Variants in UTRN observed in about 807,000 individuals in gnomAD.
UTRN encodes the protein dystrophin-related protein 1.
In UTRN, 283 loss-of-function variants were observed where a neutral mutation model predicts 463.9. The ratio of observed to expected loss-of-function variants is 0.61; its 90% confidence interval spans 0.55 to 0.67. UTRN has a LOEUF of 0.67. Among genes scored for constraint, UTRN ranks in the 30% least tolerant of loss-of-function variants. UTRN has a pLI of 0.00. For missense variants in UTRN, 3,922 were observed against 4,084.3 expected, an observed-to-expected ratio of 0.96 and a Z score of 1.08; for synonymous variants, 1,442 against 1,431.5, an observed-to-expected ratio of 1.01 and a Z score of -0.17.
At chr6:144,423,926 T>TTC (rs1785073485) in intron 5 of UTRN, 60 bp from the exon 6 acceptor site, 6 of 1,532,780 alleles carry the variant, frequency 3.9e-6, no homozygotes, top group Middle Eastern at 1.7e-4. Context: ...AAACCTGGAG[T>TTC]TCTGTGAAGA....
intron 27 of UTRN, among the ~76,000 whole-genome samples, chr6:144,483,847 C>G (rs1467533272): frequency 1.3e-5 from 2 of 152,210 alleles, no homozygotes; most frequent in Non-Finnish European, 2.9e-5. Flanking sequence ...CACATACCCC[C>G]CTCCAAGAAG....
chr6:144,528,814 A>G (rs1308742767), intron 41 of UTRN, among the ~76,000 whole-genome samples: 1 of 152,266 alleles, frequency 6.6e-6, no homozygotes, highest in Non-Finnish European at 1.5e-5. Context: ...AGAGAGCATC[A>G]GCTGCAGTAG....
At chr6:144,570,183 C>T (rs1800808653) in intron 50 of UTRN, among the ~76,000 whole-genome samples, 2 of 151,910 alleles carry the variant, frequency 1.3e-5, no homozygotes, top group South Asian at 4.2e-4. Flanking sequence ...GCACCCAGGT[C>T]TGGATGGTCA....
intron 23 of UTRN, among the ~76,000 whole-genome samples, chr6:144,471,089 G>A (rs1171947401): frequency 8.1e-6 from 1 of 123,630 alleles, no homozygotes. Flanking sequence ...GGAGGGGGAG[G>A]GGGAGAGGGA....
intron 2 of UTRN, among the ~76,000 whole-genome samples, chr6:144,397,054 G>A (rs1782498481): frequency 6.6e-6 from 1 of 152,052 alleles, no homozygotes; most frequent in African/African-American, 2.4e-5. Flanking sequence ...GACAAGCCTG[G>A]CCAAGATGGT....
At chr6:144,526,171 G>A (rs1796554147) in intron 41 of UTRN, among the ~76,000 whole-genome samples, 1 of 152,186 alleles carries the variant, frequency 6.6e-6, no homozygotes, top group Non-Finnish European at 1.5e-5. Flanking sequence ...TTGTTGCATA[G>A]AATGTTCCGT....
intron 57 of UTRN, 32 bp downstream of exon 57, chr6:144,754,830 A>G: frequency 6.3e-7 from 1 of 1,583,864 alleles, no homozygotes. Flanking sequence ...TGATCGCATT[A>G]ATTGAATGAA....
intron 51 of UTRN, among the ~76,000 whole-genome samples, chr6:144,671,356 C>T (rs890632707): frequency 1.3e-5 from 2 of 151,882 alleles, no homozygotes; most frequent in Non-Finnish European, 2.9e-5. Context: ...TCTTTTACCT[C>T]CTTGGTTAGG....
chr6:144,540,655 C>T (rs1562546593), intron 45 of UTRN, among the ~76,000 whole-genome samples: 1 of 152,190 alleles, frequency 6.6e-6, no homozygotes, highest in Non-Finnish European at 1.5e-5. Flanking sequence ...CATCTCCCAC[C>T]TTAGTCAATG....
intron 69 of UTRN, 88 bp from the exon 70 acceptor site, chr6:144,835,692 C>T: frequency 6.4e-7 from 1 of 1,557,338 alleles, no homozygotes; most frequent in Non-Finnish European, 8.7e-7. Flanking sequence ...AGCCACTATC[C>T]TGTCCATCAT....
rs1214887607 is a variant in UTRN, at chr6:144,662,187, A to G, written c.7480-16219A>G. Among the ~76,000 whole-genome samples the G allele has an allele frequency of 2.0e-5, 3 of 152,258 alleles. No homozygotes were observed. In the East Asian group the frequency reaches 5.8e-4, roughly 29 times the overall value. On this transcript the variant is annotated intron_variant, in intron 51 of 74. Transcript: ENST00000367545. ...ACTTCTAGGAAGTTGTCGTACATGAATGTATTCTTTCCAAAGTGTTAATAA... is the reference window on the plus strand; with the variant it reads ...ACTTCTAGGAAGTTGTCGTACATGAGTGTATTCTTTCCAAAGTGTTAATAA...
intron 59 of UTRN, 46 bp downstream of exon 59, chr6:144,772,014 CG>C (rs745920585): frequency 7.2e-6 from 2 of 279,196 alleles, no homozygotes; most frequent in Non-Finnish European, 1.4e-5. Flanking sequence ...AACTGAGAAC[CG>C]GTTTTTTTTT....
chr6:144,591,830 T>G (rs1803105302), intron 51 of UTRN, among the ~76,000 whole-genome samples: 1 of 152,158 alleles, frequency 6.6e-6, no homozygotes, highest in South Asian at 2.1e-4. Context: ...CTCAAAAATT[T>G]TATAAAATGA....
rs559769026 is a variant in UTRN, at chr6:144,554,911, T to A, written c.7134+18T>A. ...ATAACCAAGTAAGACTCATCAGATA[T>A]TTTTTGGCAGTATTGTTTTGTTGGA... On this transcript the variant is annotated intron_variant, in intron 49 of 74. Coordinates refer to ENST00000367545, the MANE Select transcript of UTRN (RefSeq NM_007124.3). The A allele has an allele frequency of 6.2e-7, 1 of 1,612,928 alleles. No individual in the cohort carries two copies. Among genetic ancestry groups the A allele is most frequent in the Non-Finnish European group, 8.5e-7 (1 of 1,179,396 alleles).
chr6:144,820,754 A>C (rs1055397091), intron 65 of UTRN, 128 bp from the exon 66 acceptor site: 19 of 1,181,306 alleles, frequency 1.6e-5, no homozygotes, highest in Admixed American at 5.7e-5. Flanking sequence ...GCTTTATTTC[A>C]AAAATGCATA....
chr6:144,389,587 C>T (rs1781720481), intron 2 of UTRN, among the ~76,000 whole-genome samples: 1 of 151,788 alleles, frequency 6.6e-6, no homozygotes, highest in African/African-American at 2.4e-5. Flanking sequence ...ATCCCTTTCT[C>T]CTTCATTACT....
At chr6:144,371,586 T>C (rs545019836) in intron 2 of UTRN, among the ~76,000 whole-genome samples, 102 of 152,292 alleles carry the variant, frequency 6.7e-4, no homozygotes, top group Non-Finnish European at 1.3e-3. Context: ...TAATTTTGTA[T>C]TTTTAGTAGA....
intron 47 of UTRN, among the ~76,000 whole-genome samples, chr6:144,549,661 G>A (rs1443208886): frequency 6.6e-6 from 1 of 152,170 alleles, no homozygotes; most frequent in East Asian, 1.9e-4. Context: ...GATGAGGAAG[G>A]GGATCACTTC....
chr6:144,471,204 A>G (rs1044067336), intron 23 of UTRN, among the ~76,000 whole-genome samples: 6 of 151,922 alleles, frequency 3.9e-5, no homozygotes, highest in East Asian at 1.9e-4. Flanking sequence ...GTCTGCGTGT[A>G]TTAGAGAGAG....
Sources: allele counts gnomAD v4.1 joint callset (sites outside exome capture counted in the v4.1 genomes callset), GRCh38; gene constraint gnomAD v4.1.1; transcripts MANE v1.5; gene names NCBI Gene and HGNC (gene_info 2026-07-23, HGNC 2026-07-21).